IST1: variants seen among roughly 807,000 people sequenced by gnomAD.
The protein encoded by IST1 is IST1 factor associated with ESCRT-III.
In IST1, 23 loss-of-function variants were observed where a neutral mutation model predicts 37.0. The observed-to-expected ratio is 0.62, with a 90% CI of 0.45 to 0.88. IST1 has a LOEUF of 0.88. Ranked by LOEUF, IST1 falls within the 40% of genes least tolerant of loss-of-function variation. The probability of loss-of-function intolerance (pLI) is 0.00; values close to 1 mark genes in which losing one functional copy is unlikely to be tolerated. For synonymous variants in IST1, 180 were observed against 161.7 expected, an observed-to-expected ratio of 1.11 and a Z score of -0.86; for missense variants, 488 against 445.4, an observed-to-expected ratio of 1.10 and a Z score of -0.86.
intron 5 of IST1, chr16:71,921,103 C>A (rs1223418048): frequency 1.7e-6 from 1 of 597,054 alleles, no homozygotes; most frequent in African/African-American, 1.9e-5. Context: ...ATGAATTGAA[C>A]TGTGGAAGGC....
chr16:71,907,969 G>A (rs767140441), intron 1 of IST1, among the ~76,000 whole-genome samples: 10 of 151,776 alleles, frequency 6.6e-5, no homozygotes, highest in East Asian at 1.9e-4. Context: ...TTTTTGAGAC[G>A]GAGTCTCGCT....
rs2037837289 is a variant in IST1, at chr16:71,929,426, A to T, written c.*1613A>T. On this transcript the variant is annotated 3_prime_UTR_variant, in exon 10 of 10. Transcript: ENST00000378799. ...AGAACTTGGGACCAAGGGGATTTTG[A>T]TTCCTAACTTACAGAATTAAAAACA... 2 of 1,127,926 alleles carry T rather than the reference A, an allele frequency of 1.8e-6. No homozygotes were observed. Among genetic ancestry groups the T allele is most frequent in the African/African-American group, 3.2e-5 (2 of 62,980 alleles). The allele number at this position is 1,127,926 out of a possible 1,614,324, so 69.9% of individuals were successfully genotyped here.
In IST1 at chr16:71,931,079, T is replaced by G. The variant is rs1201537878; in HGVS notation, c.*3266T>G. ...TTTATGTACAATTTTACTGTTTATT[T>G]TTTGTTTGCTCTATTTGTTTTTTAA... is the stretch of plus-strand genomic sequence containing the variant. On this transcript the variant is annotated 3_prime_UTR_variant, in exon 10 of 10. Coordinates refer to ENST00000378799, the MANE Select transcript of IST1 (RefSeq NM_001270975.2). 6.6e-6 allele frequency: 1 copy of G among 151,078 alleles called. No homozygotes were observed. The highest frequency in any genetic ancestry group is 2.4e-5 in the African/African-American group (1 of 41,280). 9.4% of individuals were successfully genotyped at this position (151,078 alleles called of 1,614,324 possible). A position where few individuals can be genotyped will look rare whatever the true frequency, so the allele number is the denominator to read the frequency against.
chr16:71,902,301 G>A (rs867409696), intron 1 of IST1, among the ~76,000 whole-genome samples: 1 of 152,054 alleles, frequency 6.6e-6, no homozygotes. Context: ...ACAAAGTCTG[G>A]CTCTGTCATC....
intron 1 of IST1, among the ~76,000 whole-genome samples, chr16:71,907,342 A>G (rs1364045632): frequency 6.9e-6 from 1 of 145,106 alleles, no homozygotes; most frequent in African/African-American, 2.6e-5. Context: ...CAGTGGTGCG[A>G]TCTCCGCTCA....
intron 1 of IST1, among the ~76,000 whole-genome samples, chr16:71,905,358 C>G (rs2037199836): frequency 6.8e-6 from 1 of 147,820 alleles, no homozygotes; most frequent in Admixed American, 6.8e-5. Flanking sequence ...AGTGGTTGCT[C>G]TAGGGGTTAC....
At chr16:71,898,338 C>T (rs1336866812) in intron 1 of IST1, among the ~76,000 whole-genome samples, 2 of 144,830 alleles carry the variant, frequency 1.4e-5, no homozygotes, top group African/African-American at 5.1e-5. Context: ...GATTGCACCA[C>T]CTGCCTGGTG....
chr16:71,919,831 A>G (rs1021156068), intron 4 of IST1, among the ~76,000 whole-genome samples: 1 of 152,198 alleles, frequency 6.6e-6, no homozygotes, highest in African/African-American at 2.4e-5. Flanking sequence ...CTGTAGTTGC[A>G]GTTGTACCTT....
At chr16:71,895,397 A>C, upstream of IST1, 2 of 405,650 alleles carry the variant, frequency 4.9e-6, no homozygotes, top group Non-Finnish European at 6.7e-6. Context: ...AAACCGAGGG[A>C]GGGTGCCCCG....
chr16:71,909,095 CTTT>C (rs34086105), intron 1 of IST1, among the ~76,000 whole-genome samples: 27 of 102,938 alleles, frequency 2.6e-4, no homozygotes, highest in Admixed American at 2.3e-3. Context: ...TTTTGTTTGT[CTTT>C]TTTTTTTTTT....
Position 71,927,812 on chromosome 16 carries a change from A to T in IST1, c.1100A>T (p.Ter367LeuextTer3), listed in dbSNP as rs1380674936. Residue 367 changes from the stop codon to leucine (L), a stop_lost, in exon 10 of 10, where the codon TAG (stop) becomes TTG (leucine). Coordinates refer to ENST00000378799, the MANE Select transcript of IST1 (RefSeq NM_001270975.2). The part of the protein sequence containing the change: ...RRFEELKKKT[*>L] ...TTTGAAGAGCTGAAAAAGAAAACAT[A>T]GGTCTCTTAAACCAGGCAACTTTCA... The T allele has an allele frequency of 6.2e-7, 1 of 1,612,050 alleles. No individual in the cohort carries two copies. The highest frequency in any genetic ancestry group is 8.5e-7 in the Non-Finnish European group (1 of 1,178,488).
intron 1 of IST1, among the ~76,000 whole-genome samples, chr16:71,912,143 A>G (rs1015518954): frequency 2.0e-5 from 3 of 151,970 alleles, no homozygotes; most frequent in African/African-American, 7.3e-5. Context: ...TTCCCCCCAA[A>G]TATTGCTTAC....
At chr16:71,915,971 C>A (rs2037458075) in intron 2 of IST1, among the ~76,000 whole-genome samples, 1 of 152,054 alleles carries the variant, frequency 6.6e-6, no homozygotes, top group South Asian at 2.1e-4. Context: ...GCTGGGATTA[C>A]AGGTGTGTGC....
intron 1 of IST1, among the ~76,000 whole-genome samples, chr16:71,910,320 G>A (rs2037321329): frequency 6.6e-6 from 1 of 151,912 alleles, no homozygotes; most frequent in Admixed American, 6.6e-5. Context: ...GAAAAACATG[G>A]TACTGGCCAG....
chr16:71,909,602 A>G (rs575456306), intron 1 of IST1, among the ~76,000 whole-genome samples: 2 of 152,336 alleles, frequency 1.3e-5, no homozygotes, highest in South Asian at 4.1e-4. Flanking sequence ...ATTAGTGTCT[A>G]AAATGATCAT....
intron 1 of IST1, among the ~76,000 whole-genome samples, chr16:71,902,937 T>C (rs2037140836): frequency 6.6e-6 from 1 of 152,178 alleles, no homozygotes; most frequent in East Asian, 1.9e-4. Flanking sequence ...TACTTTGGTT[T>C]GATTTTGCTC....
At chr16:71,926,397 G>GC (rs1447700962) in intron 9 of IST1, among the ~76,000 whole-genome samples, 2 of 151,038 alleles carry the variant, frequency 1.3e-5, no homozygotes, top group East Asian at 3.9e-4. Context: ...AGGCTGGAAT[G>GC]CAGTGGCGTG....
At chr16:71,922,758 A>ATCATAGGTTG (rs2037636999) in intron 7 of IST1, 78 bp downstream of exon 7, 1 of 1,215,750 alleles carries the variant, frequency 8.2e-7, no homozygotes, top group South Asian at 1.3e-5. Flanking sequence ...ACACTCAGGA[A>ATCATAGGTTG]TCATAGGTTG....
chr16:71,927,279 A>G (rs1037840806), intron 9 of IST1, among the ~76,000 whole-genome samples: 2 of 151,964 alleles, frequency 1.3e-5, no homozygotes, highest in East Asian at 1.9e-4. Context: ...TGTGTGGATC[A>G]CTTGAGATCA....
Sources: gnomAD v4.1 joint callset for allele counts (sites outside exome capture counted in the v4.1 genomes callset) on GRCh38, gnomAD v4.1.1 for gene constraint, MANE v1.5 for transcripts, NCBI Gene and HGNC (gene_info 2026-07-23, HGNC 2026-07-21) for gene names.